MAN2A2: variants seen among roughly 807,000 people sequenced by gnomAD.
MAN2A2 encodes mannosidase alpha class 2A member 2.
A neutral mutation model predicts 126.8 loss-of-function variants in MAN2A2; 79 were observed. The ratio of observed to expected loss-of-function variants is 0.62; its 90% CI spans 0.52 to 0.75. MAN2A2 has a LOEUF of 0.75. MAN2A2 is among the 30% of genes least tolerant of loss of function. MAN2A2 has a pLI of 0.00. For missense variants in MAN2A2, 1,392 were observed against 1,522.4 expected (o/e 0.91, Z 1.43); for synonymous variants, 671 against 618.7 (o/e 1.08, Z -1.25).
chr15:90,916,406 G>C, intron 20 of MAN2A2, 150 bp downstream of exon 20: 1 of 1,178,120 alleles, frequency 8.5e-7, no homozygotes, highest in Non-Finnish European at 1.2e-6. Flanking sequence ...GAGGCAGTCT[G>C]GCGTTTTGTG....
Position 90,907,343 on chromosome 15 carries a change from G to A in MAN2A2, c.1044G>A (p.Met348Ile), listed in dbSNP as rs1314950552. 1.2e-5 allele frequency: 20 copies of A among 1,613,994 alleles called. No individual in the cohort carries two copies. The highest frequency in any genetic ancestry group is 1.7e-5 in the Non-Finnish European group (20 of 1,179,990). Reference protein sequence around the residue: ...SDSSTDIFCHMMPFYSYDVPH... With the variant: ...SDSSTDIFCHIMPFYSYDVPH... The stretch of plus-strand genomic sequence containing the variant: ...CCAGCACAGACATCTTCTGTCACAT[G>A]ATGCCCTTCTACAGCTATGACGTCC... Residue 348 changes from methionine (M) to isoleucine (I), a missense_variant, in exon 8 of 23, where the codon ATG becomes ATA. Met to Ile is a conservative substitution (Grantham distance 10). Transcript: ENST00000559717.
rs1259083049 is a variant in MAN2A2 at position 90,905,349 on chromosome 15, G to A, written c.231G>A (p.Glu77=). Residue 77 remains glutamate (E), a synonymous_variant, in exon 3 of 23, where the codon GAG becomes GAA. Coordinates refer to ENST00000559717, the MANE Select transcript of MAN2A2 (RefSeq NM_006122.4). Reference sequence around the variant, plus strand: ...GCCATATCAAGGACTCCGTGCTGGAGCTGACAGCCAACGCAGAGGGCCCGC... The same window carrying A: ...GCCATATCAAGGACTCCGTGCTGGAACTGACAGCCAACGCAGAGGGCCCGC... ...IISHIKDSVL[E]LTANAEGPPA... 6.2e-7 allele frequency: 1 copy of A among 1,613,904 alleles called. No individual in the cohort carries two copies. Among genetic ancestry groups the A allele is most frequent in the Admixed American group, 1.7e-5 (1 of 60,030 alleles).
chr15:90,916,305 G>T, intron 20 of MAN2A2, 49 bp downstream of exon 20: 3 of 1,590,438 alleles, frequency 1.9e-6, no homozygotes, highest in Non-Finnish European at 2.6e-6. Flanking sequence ...CTAGTCCCTG[G>T]GGGTGGCCGG....
chr15:90,918,849 T>C, intron 22 of MAN2A2, 94 bp downstream of exon 22: 1 of 942,672 alleles, frequency 1.1e-6, no homozygotes, highest in Non-Finnish European at 1.6e-6. Context: ...GAGAAGAAAG[T>C]GTCACTCCAG....
chr15:90,906,584 G>T, intron 6 of MAN2A2, 87 bp downstream of exon 6: 2 of 1,601,266 alleles, frequency 1.2e-6, no homozygotes, highest in South Asian at 1.1e-5. Flanking sequence ...GGCAGGGGGT[G>T]GTTCCTTTCT....
rs370804622 is a variant in MAN2A2 at position 90,911,408 on chromosome 15, T to C, written c.1967T>C (p.Leu656Pro). Residue 656 changes from leucine to proline, a missense_variant, in exon 14 of 23, where the codon CTG becomes CCG. Coordinates refer to ENST00000559717, the MANE Select transcript of MAN2A2 (RefSeq NM_006122.4). ...AGGTTTGTGGTCCTATTCAACCCAC[T>C]GGAACAGGAGCGATTCAGCATGGTG... is the stretch of plus-strand genomic sequence containing the variant. ...SPRFVVLFNP[L>P]EQERFSMVSL... 8 of 1,614,092 alleles carry C rather than the reference T, an allele frequency of 5.0e-6. No individual in the cohort carries two copies. The highest frequency in any genetic ancestry group is 1.3e-5 in the African/African-American group (1 of 74,938).
rs918448065 is a variant in MAN2A2 at position 90,912,279 on chromosome 15, G to A, written c.2346G>A (p.Lys782=). 2.5e-6 allele frequency: 4 copies of A among 1,614,172 alleles called. No homozygotes were observed. Among genetic ancestry groups the A allele is most frequent in the Non-Finnish European group, 2.5e-6 (3 of 1,180,014 alleles). Residue 782 remains lysine (K), a splice_region_variant and synonymous_variant, in exon 15 of 23, where the codon AAG becomes AAA. Transcript: ENST00000559717. The stretch of plus-strand genomic sequence containing the variant: ...TCTCAGGCCTTACTGGGCTCCTCAA[G>A]GTAAAAGGCCAGGGTGGTGGGGAAG... ...VWFSGLTGLL[K]SIRRVDEEHE...
At position 90,918,384 on chromosome 15, in the gene MAN2A2, C is replaced by G. The variant is rs1395328047; in HGVS notation, c.3185C>G (p.Ala1062Gly). ...CTGCTCAACCTACGTACGCTCCAGG[C>G]TGAGGTGAGTGTCCCTCAGCGTGAC... is the stretch of plus-strand genomic sequence containing the variant. Reference protein sequence around the residue: ...FHLLNLRTLQAEEDTLPSAET... With the variant: ...FHLLNLRTLQGEEDTLPSAET... Residue 1062 changes from alanine to glycine, a missense_variant, in exon 21 of 23, where the codon GCT becomes GGT. Transcript: ENST00000559717. 4 of 1,612,938 alleles carry G rather than the reference C, an allele frequency of 2.5e-6. No individual in the cohort carries two copies. The highest frequency in any genetic ancestry group is 1.7e-5 in the Admixed American group (1 of 59,952).
intron 4 of MAN2A2, 22 bp from the exon 5 acceptor site, chr15:90,905,823 G>A (rs1161339008): frequency 2.5e-6 from 4 of 1,575,836 alleles, no homozygotes; most frequent in Admixed American, 3.8e-5. Context: ...CATCCTCAGG[G>A]GACCCTACAT....
In MAN2A2 at chr15:90,919,647, A is replaced by G. The variant is rs1370644216; in HGVS notation, c.3313A>G (p.Ser1105Gly). Residue 1105 changes from serine to glycine, a missense_variant, in exon 23 of 23, where the codon AGC becomes GGC. Coordinates refer to ENST00000559717, the MANE Select transcript of MAN2A2 (RefSeq NM_006122.4). The part of the protein sequence containing the change: ...TTSQGKVALG[S>G]LFHGLDVVFL... ...CTGCTCTCCACAGGTAGCCCTGGGC[A>G]GCCTTTTCCATGGCCTGGATGTGGT... The G allele has an allele frequency of 6.2e-6, 10 of 1,614,066 alleles. No homozygotes were observed. The highest frequency in any genetic ancestry group is 8.5e-6 in the Non-Finnish European group (10 of 1,180,026).
In MAN2A2 at chr15:90,910,495, G is replaced by C. The variant is rs1479776726; in HGVS notation, c.1578-6G>C. 2.1e-5 allele frequency: 34 copies of C among 1,613,408 alleles called. No homozygotes were observed. Among genetic ancestry groups the C allele is most frequent in the Non-Finnish European group, 2.9e-5 (34 of 1,179,910 alleles). ...AGGCTGGCAGCTAACTTCTCTCTCT[G>C]GGCAGGGGGGCAGAGGTTCTGTACA... On this transcript the variant is annotated splice_region_variant and splice_polypyrimidine_tract_variant and intron_variant, in intron 10 of 22. Coordinates refer to ENST00000559717, the MANE Select transcript of MAN2A2 (RefSeq NM_006122.4).
chr15:90,904,125 T>G, intron 1 of MAN2A2, 65 bp from the exon 2 acceptor site: 2 of 1,547,242 alleles, frequency 1.3e-6, no homozygotes, highest in Non-Finnish European at 1.8e-6. Flanking sequence ...CACTGGGGTA[T>G]TTGGTGGAAA....
chr15:90,907,235 C>G, intron 7 of MAN2A2, 74 bp from the exon 8 acceptor site: 7 of 1,466,930 alleles, frequency 4.8e-6, no homozygotes, highest in Non-Finnish European at 6.6e-6. Flanking sequence ...CTGCCTTTAG[C>G]CTGAACAGAT....
chr15:90,914,589 C>T (rs995591874), intron 19 of MAN2A2, among the ~76,000 whole-genome samples: 3 of 152,038 alleles, frequency 2.0e-5, no homozygotes, highest in Non-Finnish European at 4.4e-5. Context: ...GTGCAATCTC[C>T]GCTCACTGCA....
rs376130390 is a variant in MAN2A2 at position 90,907,459 on chromosome 15, C to T, written c.1160C>T (p.Pro387Leu). ...GGRINCPWKVPPRAITEANVA... is the reference protein window; with the variant it reads ...GGRINCPWKVLPRAITEANVA... ...CGCATCAACTGCCCTTGGAAGGTGC[C>T]ACCCCGGGCCATCACAGAGGCCAAC... is the stretch of plus-strand genomic sequence containing the variant. The change falls in exon 8 of 23, where the codon CCA becomes CTA. Residue 387 changes from proline (P) to leucine (L), a missense_variant. Coordinates refer to ENST00000559717, the MANE Select transcript of MAN2A2 (RefSeq NM_006122.4). The T allele has an allele frequency of 1.2e-6, 2 of 1,613,348 alleles. No homozygotes were observed. The highest frequency in any genetic ancestry group is 2.7e-5 in the African/African-American group (2 of 74,942).
At chr15:90,917,095 G>A (rs2035245707) in intron 20 of MAN2A2, among the ~76,000 whole-genome samples, 1 of 152,352 alleles carries the variant, frequency 6.6e-6, no homozygotes, top group African/African-American at 2.4e-5. Flanking sequence ...ATGCTATCCA[G>A]TACGGTGGCC....
In MAN2A2 at chr15:90,911,558, G is replaced by A. The variant is rs1047572299; in HGVS notation, c.2109+8G>A. 6.2e-7 allele frequency: 1 copy of A among 1,605,142 alleles called. No homozygotes were observed. Among genetic ancestry groups the A allele is most frequent in the Non-Finnish European group, 8.5e-7 (1 of 1,174,916 alleles). ...GTCCCTGACGTCTACCAGGTGAGGTGTGGGCTTGTCAGGTGGGCCTGGCCC... is the reference window on the plus strand; with the variant it reads ...GTCCCTGACGTCTACCAGGTGAGGTATGGGCTTGTCAGGTGGGCCTGGCCC... On this transcript the variant is annotated splice_region_variant and intron_variant, in intron 14 of 22. Coordinates refer to ENST00000559717, the MANE Select transcript of MAN2A2 (RefSeq NM_006122.4).
At chr15:90,919,441 G>C (rs1437593213) in intron 22 of MAN2A2, among the ~76,000 whole-genome samples, 194 bp from the exon 23 acceptor site, 1 of 152,204 alleles carries the variant, frequency 6.6e-6, no homozygotes, top group Admixed American at 6.5e-5. Context: ...GTTTCGCCAT[G>C]TTGGCCAGGC....
At chr15:90,902,879 G>A (rs2033950654), upstream of MAN2A2, 1 of 148,476 alleles carries the variant, frequency 6.7e-6, no homozygotes, top group Non-Finnish European at 1.5e-5. Context: ...GCCTTCGCCT[G>A]CGTCGCTGCC....
Sources: allele counts gnomAD v4.1 joint callset (sites outside exome capture counted in the v4.1 genomes callset), GRCh38; gene constraint gnomAD v4.1.1; transcripts MANE v1.5; gene names NCBI Gene and HGNC (gene_info 2026-07-23, HGNC 2026-07-21).